CDCA2: variants seen among roughly 807,000 people sequenced by gnomAD.
The protein encoded by CDCA2 is cell division cycle associated 2, also known as cell division cycle-associated protein 2.
CDCA2 carries 44 observed loss-of-function variants against 67.0 expected under a neutral mutation model. The observed-to-expected ratio is 0.66, with a 90% CI of 0.52 to 0.84. The LOEUF is 0.84. Among genes scored for constraint, CDCA2 ranks in the 40% least tolerant of loss-of-function variants. CDCA2 has a pLI of 0.00. For missense variants in CDCA2, 1,253 were observed against 1,203.2 expected, an observed-to-expected ratio of 1.04 and a Z score of -0.61; for synonymous variants, 447 against 418.7, an observed-to-expected ratio of 1.07 and a Z score of -0.82.
In CDCA2 at chr8:25,488,707, G is replaced by C. The variant is rs749894029; in HGVS notation, c.1671+18G>C. ...AGAGTCAGGTAAGCATGTGTTTAAAGATATAATAAAGAGTAGAAGTGGTGT... is the reference window on the plus strand; with the variant it reads ...AGAGTCAGGTAAGCATGTGTTTAAACATATAATAAAGAGTAGAAGTGGTGT... On this transcript the variant is annotated intron_variant, in intron 13 of 14. Transcript: ENST00000330560. 3.2e-6 allele frequency: 5 copies of C among 1,573,326 alleles called. No homozygotes were observed. In the East Asian group the frequency reaches 6.9e-5, roughly 22 times the overall value.
chr8:25,478,002 C>T (rs1017693711), intron 7 of CDCA2, among the ~76,000 whole-genome samples: 14 of 151,312 alleles, frequency 9.3e-5, no homozygotes, highest in Middle Eastern at 3.4e-3. Context: ...TCTTGGCTCA[C>T]TGCAGCCTCA....
chr8:25,493,210 A>G (rs1038050491), intron 13 of CDCA2, among the ~76,000 whole-genome samples: 5 of 152,242 alleles, frequency 3.3e-5, no homozygotes, highest in Non-Finnish European at 5.9e-5. Flanking sequence ...CACAATTAAC[A>G]TAGAAAAGAG....
chr8:25,477,740 C>T (rs1469566148), intron 7 of CDCA2, among the ~76,000 whole-genome samples: 1 of 152,088 alleles, frequency 6.6e-6, no homozygotes, highest in Non-Finnish European at 1.5e-5. Flanking sequence ...ATCCAGCTCC[C>T]TTTCATGACC....
At chr8:25,490,167 A>G (rs573846575) in intron 13 of CDCA2, among the ~76,000 whole-genome samples, 3 of 152,184 alleles carry the variant, frequency 2.0e-5, no homozygotes, top group Admixed American at 6.5e-5. Context: ...AAAAATATAC[A>G]TACAACTTAT....
intron 5 of CDCA2, among the ~76,000 whole-genome samples, chr8:25,466,736 C>T (rs1409668379): frequency 2.0e-5 from 3 of 151,900 alleles, no homozygotes; most frequent in African/African-American, 4.8e-5. Flanking sequence ...AACACCCAAC[C>T]CTGATGTTAA....
In CDCA2 at chr8:25,507,692, T is replaced by G. The variant is rs533786348; in HGVS notation, c.3026T>G (p.Leu1009Arg). 1 of 1,613,840 alleles carries G rather than the reference T, an allele frequency of 6.2e-7. No individual in the cohort carries two copies. The highest frequency in any genetic ancestry group is 8.5e-7 in the Non-Finnish European group (1 of 1,179,910). ...SSLNGKGESS[L>R]TALERIEHNG... Reference sequence around the variant, plus strand: ...CTTAATGGGAAGGGAGAGAGCTCTCTGACTGCCTTGGAAAGGATTGAACAT... The same window carrying G: ...CTTAATGGGAAGGGAGAGAGCTCTCGGACTGCCTTGGAAAGGATTGAACAT... The change falls in exon 15 of 15, where the codon CTG becomes CGG. Residue 1009 changes from leucine to arginine, a missense_variant. Coordinates refer to ENST00000330560, the MANE Select transcript of CDCA2 (RefSeq NM_152562.4).
In CDCA2 at chr8:25,506,796, T is replaced by C. The variant is rs777768353; in HGVS notation, c.2130T>C (p.Ser710=). The C allele has an allele frequency of 6.2e-7, 1 of 1,613,894 alleles. No individual in the cohort carries two copies. The highest frequency in any genetic ancestry group is 1.3e-5 in the African/African-American group (1 of 74,914). The change falls in exon 15 of 15, where the codon AGT becomes AGC. Residue 710 remains serine, a synonymous_variant. Coordinates refer to ENST00000330560, the MANE Select transcript of CDCA2 (RefSeq NM_152562.4). ...ATGAACCAAAAGCTGGAACTGACAG[T>C]CCTGTTTCTTGTGCTTCTGTAACTG... ...SENEPKAGTD[S]PVSCASVTEE... is the part of the protein sequence containing the mutation.
chr8:25,490,730 C>A (rs758177038), intron 13 of CDCA2, among the ~76,000 whole-genome samples: 154 of 152,294 alleles, frequency 1.0e-3, no homozygotes, highest in Non-Finnish European at 1.7e-3. Flanking sequence ...TAGATTAAAG[C>A]CCTCATTCTG....
At chr8:25,486,490 A>T (rs1226782831) in intron 11 of CDCA2, among the ~76,000 whole-genome samples, 1 of 152,108 alleles carries the variant, frequency 6.6e-6, no homozygotes, top group South Asian at 2.1e-4. Context: ...TAAACATATT[A>T]TACCACCTTT....
chr8:25,503,619 A>G, intron 14 of CDCA2, 75 bp downstream of exon 14: 2 of 1,430,598 alleles, frequency 1.4e-6, no homozygotes, highest in Non-Finnish European at 1.9e-6. Context: ...TACTTTTTTC[A>G]CTTTTTTCCC....
At chr8:25,467,225 A>G (rs1157067554) in intron 5 of CDCA2, among the ~76,000 whole-genome samples, 2 of 151,854 alleles carry the variant, frequency 1.3e-5, no homozygotes, top group Non-Finnish European at 2.9e-5. Flanking sequence ...GTCTTACTGT[A>G]ATCATTATAA....
intron 3 of CDCA2, 69 bp downstream of exon 3, chr8:25,460,623 TATTTGTTTATA>T: frequency 6.8e-7 from 1 of 1,481,362 alleles, no homozygotes; most frequent in Non-Finnish European, 9.2e-7. Context: ...AACTCAGCTT[TATTTGTTTATA>T]CGTACTGTCA....
chr8:25,465,271 G>A (rs1251752103), intron 4 of CDCA2, among the ~76,000 whole-genome samples: 1 of 152,124 alleles, frequency 6.6e-6, no homozygotes, highest in Non-Finnish European at 1.5e-5. Context: ...ACTGTGCCCA[G>A]CCTACTCTGT....
Position 25,461,124 on chromosome 8 carries a change from G to A in CDCA2, c.232+570G>A, listed in dbSNP as rs373995431. Among the ~76,000 whole-genome samples, 42 of 151,908 alleles carry A rather than the reference G, an allele frequency of 2.8e-4. No individual in the cohort carries two copies. The East Asian group carries it at 6.6e-3, about 24-fold the overall frequency. On this transcript the variant is annotated intron_variant, in intron 3 of 14. Transcript: ENST00000330560. ...CTCTACTAAAAATACAAAATTAGCC[G>A]GGCATGGTGGTGCATGCCTGTAATC... is the stretch of plus-strand genomic sequence containing the variant.
chr8:25,497,574 T>G (rs1412926615), intron 13 of CDCA2, among the ~76,000 whole-genome samples: 3 of 131,380 alleles, frequency 2.3e-5, no homozygotes, highest in African/African-American at 6.1e-5. Flanking sequence ...GTGGCTTGAG[T>G]GGTGGGGGAT....
intron 13 of CDCA2, among the ~76,000 whole-genome samples, chr8:25,497,880 C>T (rs1263096038): frequency 2.0e-5 from 3 of 152,134 alleles, no homozygotes; most frequent in Admixed American, 6.6e-5. Context: ...TCTAATCAAG[C>T]TTCTAGATCT....
intron 13 of CDCA2, among the ~76,000 whole-genome samples, chr8:25,500,797 C>T (rs575537599): frequency 6.6e-6 from 1 of 152,212 alleles, no homozygotes; most frequent in African/African-American, 2.4e-5. Context: ...CACATGTCAA[C>T]TCATTTAATA....
chr8:25,463,462 T>C (rs570367961), intron 4 of CDCA2, among the ~76,000 whole-genome samples: 30 of 152,312 alleles, frequency 2.0e-4, no homozygotes, highest in African/African-American at 6.7e-4. Flanking sequence ...AGTTCTACGG[T>C]GCTGCCACTT....
Position 25,507,905 on chromosome 8 carries a change from T to C in CDCA2, c.*167T>C, listed in dbSNP as rs2117563158. 1 of 540,814 alleles carries C rather than the reference T, an allele frequency of 1.8e-6. No individual in the cohort carries two copies. Among genetic ancestry groups the C allele is most frequent in the Non-Finnish European group, 2.9e-6 (1 of 340,040 alleles). The allele number at this position is 540,814 out of a possible 1,614,324, so 33.5% of individuals were successfully genotyped here. ...ATGTAGAAATAAATAAGTTTCTTCATCATTCAGATAGAAAACATTCTATTA... is the reference window on the plus strand; with the variant it reads ...ATGTAGAAATAAATAAGTTTCTTCACCATTCAGATAGAAAACATTCTATTA... On this transcript the variant is annotated 3_prime_UTR_variant, in exon 15 of 15. Coordinates refer to ENST00000330560, the MANE Select transcript of CDCA2 (RefSeq NM_152562.4).
Sources: allele counts gnomAD v4.1 joint callset (sites outside exome capture counted in the v4.1 genomes callset), GRCh38; gene constraint gnomAD v4.1.1; transcripts MANE v1.5; gene names NCBI Gene and HGNC (gene_info 2026-07-23, HGNC 2026-07-21).